The following NUBPL variants were observed in gnomAD, a reference collection of about 807,000 sequenced individuals.
NUBPL encodes the protein iron-sulfur cluster transfer protein NUBPL.
Under a neutral mutation model 45.7 loss-of-function variants are expected in NUBPL, and 31 were observed. The ratio of observed to expected loss-of-function variants is 0.68; its 90% CI spans 0.51 to 0.92. The LOEUF is 0.92. Ranked by LOEUF, NUBPL falls within the 40% of genes least tolerant of loss-of-function variation. NUBPL has a pLI of 0.00. For synonymous variants in NUBPL, 144 were observed against 140.9 expected, an observed-to-expected ratio of 1.02 and a Z score of -0.15; for missense variants, 401 against 398.7, an observed-to-expected ratio of 1.01 and a Z score of -0.05.
At chr14:31,771,480 G>T (rs373306602) in intron 6 of NUBPL, among the ~76,000 whole-genome samples, 1 of 152,102 alleles carries the variant, frequency 6.6e-6, no homozygotes, top group Non-Finnish European at 1.5e-5. Context: ...TGTTCTTGAG[G>T]TTATGAGGAT....
At chr14:31,627,292 A>G (rs1332686309) in intron 4 of NUBPL, among the ~76,000 whole-genome samples, 2 of 152,184 alleles carry the variant, frequency 1.3e-5, no homozygotes, top group African/African-American at 4.8e-5. Flanking sequence ...AAAGTTCACA[A>G]GAAGGCATGT....
At chr14:31,680,577 A>G (rs1032664382) in intron 6 of NUBPL, among the ~76,000 whole-genome samples, 3 of 152,034 alleles carry the variant, frequency 2.0e-5, no homozygotes, top group Admixed American at 6.5e-5. Flanking sequence ...TTTAATTACA[A>G]TGAGTAATAT....
intron 3 of NUBPL, among the ~76,000 whole-genome samples, chr14:31,571,958 G>C (rs146728510): frequency 6.6e-6 from 1 of 152,044 alleles, no homozygotes; most frequent in Admixed American, 6.6e-5. Flanking sequence ...TCACAGCAAC[G>C]TTATGGGAAT....
intron 3 of NUBPL, among the ~76,000 whole-genome samples, chr14:31,598,293 A>C (rs1443928698): frequency 6.6e-6 from 1 of 152,170 alleles, no homozygotes; most frequent in Non-Finnish European, 1.5e-5. Flanking sequence ...TTTGTCTAGA[A>C]ATAGGTAGGT....
intron 7 of NUBPL, among the ~76,000 whole-genome samples, chr14:31,799,954 T>C (rs2039553726): frequency 6.6e-6 from 1 of 152,270 alleles, no homozygotes; most frequent in African/African-American, 2.4e-5. Flanking sequence ...TCTCAAGCCA[T>C]GCTTCTGTTT....
chr14:31,647,183 T>G (rs1410746083), intron 4 of NUBPL, among the ~76,000 whole-genome samples: 2 of 152,220 alleles, frequency 1.3e-5, no homozygotes, highest in Non-Finnish European at 2.9e-5. Flanking sequence ...AACTCACATT[T>G]AGCCATCTTG....
chr14:31,678,026 C>T (rs1446145569), intron 6 of NUBPL, among the ~76,000 whole-genome samples: 1 of 152,202 alleles, frequency 6.6e-6, no homozygotes, highest in Non-Finnish European at 1.5e-5. Flanking sequence ...AGGTGCAGTT[C>T]TTCCCATTCT....
chr14:31,691,713 A>G (rs1020136331), intron 6 of NUBPL, among the ~76,000 whole-genome samples: 4 of 152,204 alleles, frequency 2.6e-5, no homozygotes, highest in South Asian at 2.1e-4. Flanking sequence ...TGAGGCGAAC[A>G]TTAGAGTAGG....
chr14:31,665,130 C>T lies in NUBPL; in HGVS notation c.383-8225C>T, dbSNP rs184575011. On this transcript the variant is annotated intron_variant, in intron 4 of 10. Transcript: ENST00000281081. ...CCTCTCTCTTTTCTTCTTTATTAGT[C>T]TGCCTAGTGGTCTACCCATTTTGTT... Among the ~76,000 whole-genome samples, 591 of 152,056 alleles carry T rather than the reference C, an allele frequency of 3.9e-3. 3 individuals carry two copies. The highest frequency in any genetic ancestry group is 0.034 in the Middle Eastern group (10 of 294).
At chr14:31,845,777 T>TA (rs112011506) in intron 8 of NUBPL, 15,509 of 152,980 alleles carry the variant, frequency 0.1, 976 homozygotes, top group Non-Finnish European at 0.14. Flanking sequence ...AAACACTTCG[T>TA]TATTTTAGAT....
chr14:31,625,532 A>G (rs1595387071), intron 4 of NUBPL, among the ~76,000 whole-genome samples: 4 of 149,964 alleles, frequency 2.7e-5, no homozygotes, highest in African/African-American at 7.4e-5. Context: ...CTGGAGTGCA[A>G]TGGCATGATC....
intron 4 of NUBPL, among the ~76,000 whole-genome samples, chr14:31,638,735 G>C (rs1216991095): frequency 6.6e-6 from 1 of 152,098 alleles, no homozygotes; most frequent in African/African-American, 2.4e-5. Flanking sequence ...CCAATCAGAC[G>C]TAGATTTGGT....
chr14:31,622,154 A>G (rs1412071918), intron 4 of NUBPL, among the ~76,000 whole-genome samples: 1 of 152,150 alleles, frequency 6.6e-6, no homozygotes, highest in Non-Finnish European at 1.5e-5. Context: ...GAGTTGTGGA[A>G]CTTTGAACTT....
At chr14:31,745,115 A>T (rs1000574333) in intron 6 of NUBPL, among the ~76,000 whole-genome samples, 1 of 151,748 alleles carries the variant, frequency 6.6e-6, no homozygotes, top group Non-Finnish European at 1.5e-5. Context: ...GGTTTGTTAC[A>T]TATGTATACA....
At chr14:31,702,325 G>A (rs1254737699) in intron 6 of NUBPL, among the ~76,000 whole-genome samples, 2 of 152,146 alleles carry the variant, frequency 1.3e-5, no homozygotes, top group East Asian at 1.9e-4. Flanking sequence ...CTCCGTGATA[G>A]GGGCATGATT....
chr14:31,815,621 G>A (rs1329023086), intron 7 of NUBPL, among the ~76,000 whole-genome samples: 3 of 151,954 alleles, frequency 2.0e-5, no homozygotes, highest in East Asian at 1.9e-4. Flanking sequence ...GTCATTTTTC[G>A]AAGGGAATGC....
At chr14:31,720,762 A>C (rs570076867) in intron 6 of NUBPL, among the ~76,000 whole-genome samples, 9 of 152,336 alleles carry the variant, frequency 5.9e-5, no homozygotes, top group Middle Eastern at 3.4e-3. Flanking sequence ...AGTATATTTC[A>C]CATGCTCAGT....
At chr14:31,768,978 G>A (rs1488013317) in intron 6 of NUBPL, among the ~76,000 whole-genome samples, 1 of 152,136 alleles carries the variant, frequency 6.6e-6, no homozygotes, top group Non-Finnish European at 1.5e-5. Context: ...CTTGAGGATT[G>A]TAACCCAGGA....
In NUBPL at chr14:31,695,467, C is replaced by T. The variant is rs137958583; in HGVS notation, c.513+21893C>T. 3.3e-5 allele frequency among the ~76,000 whole-genome samples: 5 copies of T among 152,058 alleles called. No homozygotes were observed. In the East Asian group the frequency reaches 7.7e-4, roughly 23 times the overall value. On this transcript the variant is annotated intron_variant, in intron 6 of 10. Transcript: ENST00000281081. Reference sequence around the variant, plus strand: ...TCACTATGGTTTGGGTGTTGGTCACCTCCAAATCTCATGTTGAAACTTGGT... The same window carrying T: ...TCACTATGGTTTGGGTGTTGGTCACTTCCAAATCTCATGTTGAAACTTGGT...
Sources: allele counts gnomAD v4.1 joint callset (sites outside exome capture counted in the v4.1 genomes callset), GRCh38; gene constraint gnomAD v4.1.1; transcripts MANE v1.5; gene names NCBI Gene and HGNC (gene_info 2026-07-23, HGNC 2026-07-21).